The following PPP2R5C variants were observed in gnomAD, a reference collection of about 807,000 sequenced individuals.
PPP2R5C encodes the protein protein phosphatase 2 regulatory subunit B'gamma.
A neutral mutation model predicts 68.9 loss-of-function variants in PPP2R5C; 7 were observed. The ratio of observed to expected loss-of-function variants is 0.10; its 90% CI spans 0.06 to 0.19. The LOEUF is 0.19. Ranked by LOEUF, PPP2R5C falls within the 10% of genes least tolerant of loss-of-function variation. The pLI is 1.00. For missense variants in PPP2R5C, 348 were observed against 641.3 expected (o/e 0.54, Z 4.94); for synonymous variants, 210 against 222.2 (o/e 0.95, Z 0.49).
Position 101,876,803 on chromosome 14 carries a change from C to T in PPP2R5C, c.295-5358C>T, listed in dbSNP as rs181878216. On this transcript the variant is annotated intron_variant, in intron 2 of 13. Transcript: ENST00000334743. ...CCATTATTTTCATGTGGAGGTCAAA[C>T]AGTCAGAAACGTTTGGGAAGTGCTG... is the stretch of plus-strand genomic sequence containing the variant. 1.1e-4 allele frequency among the ~76,000 whole-genome samples: 16 copies of T among 152,302 alleles called. 1 individual carries two copies. The East Asian group carries it at 2.5e-3, about 24-fold the overall frequency.
exon 14 of PPP2R5C, chr14:101,927,938 G>A (rs185058668): frequency 6.6e-6 from 1 of 152,112 alleles, no homozygotes; most frequent in African/African-American, 2.4e-5. Flanking sequence ...TCTAAAAAAC[G>A]GTGTATCATA....
chr14:101,849,324 C>T (rs1415814686), intron 1 of PPP2R5C, among the ~76,000 whole-genome samples: 1 of 152,136 alleles, frequency 6.6e-6, no homozygotes, highest in Non-Finnish European at 1.5e-5. Flanking sequence ...TAATGCACTG[C>T]CCCGCCCATG....
chr14:101,783,660 T>C (rs2037949338), intron 2 of PPP2R5C, among the ~76,000 whole-genome samples: 1 of 152,204 alleles, frequency 6.6e-6, no homozygotes, highest in Non-Finnish European at 1.5e-5. Context: ...ACCCATGGAC[T>C]TGCTTCCCAG....
chr14:101,761,684 CGCT>C, upstream of PPP2R5C: 2 of 227,528 alleles, frequency 8.8e-6, no homozygotes, highest in East Asian at 1.8e-4. Flanking sequence ...GAGACGCCGC[CGCT>C]GCCGCCGCCG....
chr14:101,859,671 G>A (rs1357922496), intron 2 of PPP2R5C, among the ~76,000 whole-genome samples: 1 of 152,164 alleles, frequency 6.6e-6, no homozygotes, highest in East Asian at 1.9e-4. Flanking sequence ...TGACCCTCTT[G>A]TCAAGAATTT....
At chr14:101,923,063 G>A (rs888095862) in intron 13 of PPP2R5C, among the ~76,000 whole-genome samples, 6 of 152,112 alleles carry the variant, frequency 3.9e-5, no homozygotes, top group Non-Finnish European at 7.3e-5. Flanking sequence ...GGTCCGCTCC[G>A]CCCCTGCCAG....
chr14:101,893,675 G>A (rs534459335), intron 7 of PPP2R5C, among the ~76,000 whole-genome samples: 9 of 152,284 alleles, frequency 5.9e-5, no homozygotes, highest in Admixed American at 3.9e-4. Context: ...GCTTGAACCC[G>A]GGAGGCGGAG....
chr14:101,899,060 A>G lies in PPP2R5C; in HGVS notation c.853-2659A>G, dbSNP rs2045527219. Among the ~76,000 whole-genome samples, 1 of 152,228 alleles carries G rather than the reference A, an allele frequency of 6.6e-6. No individual in the cohort carries two copies. Among genetic ancestry groups the G allele is most frequent in the Non-Finnish European group, 1.5e-5 (1 of 68,038 alleles). On this transcript the variant is annotated intron_variant, in intron 8 of 13. Coordinates refer to ENST00000334743, the Ensembl canonical transcript of PPP2R5C. The surrounding 1 kb of genome is among the most constrained non-coding windows in gnomAD (Gnocchi z 4.2). ...ATCCACTTAGAAGACTGAGATATGA[A>G]GGACATGTGTTGCCCCATTTGTAGC...
intron 13 of PPP2R5C, among the ~76,000 whole-genome samples, chr14:101,923,875 A>G (rs1344205911): frequency 8.4e-6 from 1 of 118,520 alleles, no homozygotes; most frequent in Non-Finnish European, 1.8e-5. Flanking sequence ...TTTTACATCC[A>G]TGTCAAAATC....
At chr14:101,856,977 A>G in intron 2 of PPP2R5C, 92 bp downstream of exon 4, 1 of 1,208,804 alleles carries the variant, frequency 8.3e-7, no homozygotes, top group Non-Finnish European at 1.2e-6. Flanking sequence ...GCTACCCAGG[A>G]GAAGAATCCT....
intron 1 of PPP2R5C, among the ~76,000 whole-genome samples, chr14:101,829,943 A>G (rs1297715515): frequency 1.1e-5 from 1 of 90,232 alleles, no homozygotes. Context: ...CCATAGTGGC[A>G]AAAAAAAAAA....
Position 101,918,295 on chromosome 14 carries a change from C to T in PPP2R5C, c.1443+348C>T, listed in dbSNP as rs994306282. Among the ~76,000 whole-genome samples the T allele has an allele frequency of 9.2e-5, 14 of 151,644 alleles. No individual in the cohort carries two copies. The East Asian group carries it at 1.9e-3, about 21-fold the overall frequency. On this transcript the variant is annotated intron_variant, in intron 13 of 13. Coordinates refer to ENST00000334743, the Ensembl canonical transcript of PPP2R5C. The stretch of plus-strand genomic sequence containing the variant: ...CTTCACAGCCCTCTGGCTTCTGCTT[C>T]GACCCAGAGAGGCTCCCTTAGCTCT...
chr14:101,831,239 T>C (rs1273662507), intron 1 of PPP2R5C, among the ~76,000 whole-genome samples: 1 of 152,268 alleles, frequency 6.6e-6, no homozygotes, highest in Admixed American at 6.5e-5. Flanking sequence ...ATGTTATCTG[T>C]GATATGTTGG....
intron 8 of PPP2R5C, among the ~76,000 whole-genome samples, chr14:101,896,398 G>A (rs1362447720): frequency 1.3e-5 from 2 of 152,090 alleles, no homozygotes; most frequent in Non-Finnish European, 2.9e-5. Flanking sequence ...CCTAATGACT[G>A]ATGATGTTGA....
intron 2 of PPP2R5C, among the ~76,000 whole-genome samples, chr14:101,867,466 T>A (rs2043147680): frequency 6.6e-6 from 1 of 151,936 alleles, no homozygotes; most frequent in Non-Finnish European, 1.5e-5. Flanking sequence ...CCAGTAAAGA[T>A]ATTTTTCTTT....
intron 1 of PPP2R5C, among the ~76,000 whole-genome samples, chr14:101,850,139 C>T (rs565077200): frequency 6.6e-6 from 1 of 152,098 alleles, no homozygotes; most frequent in African/African-American, 2.4e-5. Flanking sequence ...AGTAAAAGCT[C>T]CCCTCTGAGT....
At chr14:101,922,976 C>CTAA (rs1248629697) in intron 13 of PPP2R5C, among the ~76,000 whole-genome samples, 2 of 152,170 alleles carry the variant, frequency 1.3e-5, no homozygotes, top group African/African-American at 4.8e-5. Context: ...TCAGCATTTA[C>CTAA]GGTTTACATT....
intron 2 of PPP2R5C, among the ~76,000 whole-genome samples, chr14:101,868,461 C>A (rs2140735663): frequency 6.6e-6 from 1 of 152,328 alleles, no homozygotes; most frequent in African/African-American, 2.4e-5. Context: ...TACCTCCAAT[C>A]AGCCAATTCA....
rs1033388065 is a variant in PPP2R5C, at chr14:101,902,285, A to C, written c.1023+396A>C. Among the ~76,000 whole-genome samples the C allele has an allele frequency of 4.6e-5, 7 of 152,192 alleles. No individual in the cohort carries two copies. The South Asian group carries it at 1.5e-3, about 32-fold the overall frequency. ...GGCCCTTCGTTCCTGACACTGTGTA[A>C]ATCTGTCTCCCTTTACCCTTTCAAA... On this transcript the variant is annotated intron_variant, in intron 9 of 13. Transcript: ENST00000334743.
Sources: allele counts gnomAD v4.1 joint callset (sites outside exome capture counted in the v4.1 genomes callset), GRCh38; gene constraint gnomAD v4.1.1; non-coding constraint Gnocchi (gnomAD v3.1); transcripts MANE v1.5; gene names NCBI Gene and HGNC (gene_info 2026-07-23, HGNC 2026-07-21).